The following ENAH variants were observed in gnomAD, a reference collection of about 807,000 sequenced individuals.
ENAH encodes protein enabled homolog.
A neutral mutation model predicts 78.7 loss-of-function variants in ENAH; 23 were observed. The observed-to-expected ratio is 0.29, with a 90% CI of 0.21 to 0.41. ENAH has a LOEUF of 0.41. ENAH is among the 10% of genes least tolerant of loss of function. The probability of loss-of-function intolerance (pLI) is 1.00; values close to 1 mark genes in which losing one functional copy is unlikely to be tolerated. For missense variants in ENAH, 544 were observed against 691.0 expected, an observed-to-expected ratio of 0.79 and a Z score of 2.39; for synonymous variants, 226 against 241.0, an observed-to-expected ratio of 0.94 and a Z score of 0.58.
intron 3 of ENAH, among the ~76,000 whole-genome samples, chr1:225,546,707 C>G (rs1385824264): frequency 6.6e-6 from 1 of 152,198 alleles, no homozygotes; most frequent in South Asian, 2.1e-4. Context: ...TAGCTCCCAA[C>G]CTTTTCAACA....
At chr1:225,633,045 T>G (rs1659392711) in intron 1 of ENAH, among the ~76,000 whole-genome samples, 1 of 151,724 alleles carries the variant, frequency 6.6e-6, no homozygotes, top group Non-Finnish European at 1.5e-5. Flanking sequence ...AAGTCTTTTT[T>G]TTTTTTTTGA....
intron 11 of ENAH, among the ~76,000 whole-genome samples, chr1:225,502,161 T>C (rs1002180792): frequency 1.3e-5 from 2 of 152,188 alleles, no homozygotes; most frequent in Admixed American, 1.3e-4. Context: ...TTTAAACCCA[T>C]AGGCATGGTT....
intron 1 of ENAH, among the ~76,000 whole-genome samples, chr1:225,614,014 A>C (rs1049444875): frequency 1.3e-5 from 2 of 152,168 alleles, no homozygotes; most frequent in Non-Finnish European, 2.9e-5. Flanking sequence ...AGCAGCTCAC[A>C]GAACTCAGGA....
intron 3 of ENAH, among the ~76,000 whole-genome samples, chr1:225,534,724 G>C (rs746730056): frequency 6.6e-6 from 1 of 152,100 alleles, no homozygotes; most frequent in Non-Finnish European, 1.5e-5. Context: ...GTAATTAAAA[G>C]TAACTCTTTG....
chr1:225,555,308 C>T (rs1447818430), intron 2 of ENAH, among the ~76,000 whole-genome samples: 3 of 152,264 alleles, frequency 2.0e-5, no homozygotes, highest in Non-Finnish European at 2.9e-5. Flanking sequence ...CAGCCGGGCA[C>T]GGTGGCTCAC....
At chr1:225,524,324 C>A (rs1343618397) in intron 4 of ENAH, among the ~76,000 whole-genome samples, 3 of 152,082 alleles carry the variant, frequency 2.0e-5, no homozygotes, top group Non-Finnish European at 4.4e-5. Flanking sequence ...CCCAGCTTTA[C>A]CTATAATGAA....
chr1:225,577,113 A>G (rs1270275225), intron 1 of ENAH, among the ~76,000 whole-genome samples: 2 of 152,224 alleles, frequency 1.3e-5, no homozygotes, highest in African/African-American at 2.4e-5. Flanking sequence ...TTAAGACCCC[A>G]TCTCAAAAAA....
chr1:225,554,432 A>T (rs1290014762), intron 3 of ENAH, among the ~76,000 whole-genome samples: 2 of 152,164 alleles, frequency 1.3e-5, no homozygotes, highest in African/African-American at 2.4e-5. Context: ...TAAAATCTTT[A>T]AAAAAACCGA....
rs1239094789 is a variant in ENAH at position 225,566,060 on chromosome 1, GT to G, written c.171+1188del. ...TTTGTTTTTACCACGTGCCCCAACA[GT>G]TTCAGTGCTCTACAACCAGTGTTTC... On this transcript the variant is annotated intron_variant, in intron 2 of 13. Transcript: ENST00000366843. Among the ~76,000 whole-genome samples, 5 of 152,092 alleles carry G rather than the reference GT, an allele frequency of 3.3e-5. No homozygotes were observed. The East Asian group carries it at 9.7e-4, about 29-fold the overall frequency.
intron 3 of ENAH, among the ~76,000 whole-genome samples, chr1:225,536,236 T>C (rs965984097): frequency 6.6e-6 from 1 of 152,122 alleles, no homozygotes; most frequent in African/African-American, 2.4e-5. Flanking sequence ...GCCATTTATT[T>C]AGGCTATTTA....
chr1:225,514,608 C>T lies in ENAH; in HGVS notation c.1206G>A (p.Arg402=), dbSNP rs989478126. 5 of 1,611,782 alleles carry T rather than the reference C, an allele frequency of 3.1e-6. No individual in the cohort carries two copies. The Admixed American group carries it at 6.7e-5, about 22-fold the overall frequency. The change falls in exon 7 of 14, where the codon AGG becomes AGA. Residue 402 remains arginine, a synonymous_variant. Transcript: ENST00000366843. The part of the protein sequence containing the change: ...LAAAIAGAKL[R]KVSRMEDTSF... ...GAAAGGTATTTACCCGTGACACTTT[C>T]CTAAGTTTTGCTCCGGCAATTGCAG...
At chr1:225,631,565 C>T (rs1659065626) in intron 1 of ENAH, among the ~76,000 whole-genome samples, 1 of 135,016 alleles carries the variant, frequency 7.4e-6, no homozygotes, top group South Asian at 2.4e-4. Flanking sequence ...CAGAGCAAGA[C>T]ACCATCTCTC....
intron 2 of ENAH, among the ~76,000 whole-genome samples, chr1:225,559,098 A>ATTTAAT (rs765648921): frequency 2.0e-5 from 3 of 152,200 alleles, no homozygotes; most frequent in Admixed American, 2.0e-4. Context: ...CATTTTAATC[A>ATTTAAT]CAAGTTTAGT....
chr1:225,514,864 G>A lies in ENAH; in HGVS notation c.950C>T (p.Pro317Leu). 1.9e-6 allele frequency: 3 copies of A among 1,606,486 alleles called. No individual in the cohort carries two copies. Among genetic ancestry groups the A allele is most frequent in the Non-Finnish European group, 2.5e-6 (3 of 1,177,956 alleles). The change falls in exon 7 of 14, where the codon CCA (proline) becomes CTA (leucine). Residue 317 changes from proline to leucine, a missense_variant. This residue lies in a region of ENAH where 366 missense variants were observed against 396.1 expected (regional missense o/e 0.92). Transcript: ENST00000366843. Reference sequence around the variant, plus strand: ...CTGTGCAGGCCCTGGTGGGAGTGGTGGAGGAGGTGGAGGTGCAAGTGGTCC... The same window carrying A: ...CTGTGCAGGCCCTGGTGGGAGTGGTAGAGGAGGTGGAGGTGCAAGTGGTCC... Reference protein sequence around the residue: ...VLGPLAPPPPPPLPPGPAQAS... With the variant: ...VLGPLAPPPPLPLPPGPAQAS...
chr1:225,635,309 T>C (rs545741230), intron 1 of ENAH, among the ~76,000 whole-genome samples: 1 of 152,290 alleles, frequency 6.6e-6, no homozygotes, highest in African/African-American at 2.4e-5. Flanking sequence ...CCTCCCAAAT[T>C]GCTGGGAATT....
chr1:225,555,458 T>C (rs2096661730), intron 2 of ENAH, among the ~76,000 whole-genome samples: 1 of 151,900 alleles, frequency 6.6e-6, no homozygotes, highest in Non-Finnish European at 1.5e-5. Context: ...GGCGGGTGCC[T>C]GTAGTCCCAG....
At chr1:225,649,600 T>C (rs1352676296) in intron 1 of ENAH, among the ~76,000 whole-genome samples, 1 of 152,180 alleles carries the variant, frequency 6.6e-6, no homozygotes, top group Admixed American at 6.5e-5. Flanking sequence ...AGTACCAGCT[T>C]TTTGGTCTCA....
chr1:225,555,303 G>A (rs1183685358), intron 2 of ENAH, among the ~76,000 whole-genome samples: 2 of 152,096 alleles, frequency 1.3e-5, no homozygotes, highest in African/African-American at 4.8e-5. Context: ...TAAATCAGCC[G>A]GGCACGGTGG....
intron 1 of ENAH, among the ~76,000 whole-genome samples, chr1:225,619,817 C>T (rs1656473960): frequency 6.6e-6 from 1 of 151,808 alleles, no homozygotes; most frequent in African/African-American, 2.4e-5. Flanking sequence ...TCTGGTGATA[C>T]CAAAAACTAC....
Sources: allele counts gnomAD v4.1 joint callset (sites outside exome capture counted in the v4.1 genomes callset), GRCh38; gene constraint gnomAD v4.1.1; regional missense constraint gnomAD v4.1.1; transcripts MANE v1.5; gene names NCBI Gene and HGNC (gene_info 2026-07-23, HGNC 2026-07-21).